DNAH7: variants seen among roughly 807,000 people sequenced by gnomAD.
DNAH7 encodes axonemal beta dynein heavy chain 7.
A neutral mutation model predicts 444.6 loss-of-function variants in DNAH7; 397 were observed. That is an observed-to-expected ratio of 0.89 (90% CI 0.82 to 0.97). The LOEUF is 0.97. DNAH7 is among the 50% of genes least tolerant of loss of function. The probability of loss-of-function intolerance (pLI) is 0.00; values close to 1 mark genes in which losing one functional copy is unlikely to be tolerated. For synonymous variants in DNAH7, 1,636 were observed against 1,624.4 expected, an observed-to-expected ratio of 1.01 and a Z score of -0.17; for missense variants, 4,902 against 4,800.8, an observed-to-expected ratio of 1.02 and a Z score of -0.62.
intron 22 of DNAH7, among the ~76,000 whole-genome samples, chr2:195,925,765 C>T (rs937908321): frequency 6.6e-6 from 1 of 152,162 alleles, no homozygotes; most frequent in Non-Finnish European, 1.5e-5. Context: ...TTTTAAACTA[C>T]AGATCTATAT....
intron 44 of DNAH7, among the ~76,000 whole-genome samples, chr2:195,856,548 T>C (rs1297052157): frequency 6.6e-6 from 1 of 152,204 alleles, no homozygotes; most frequent in Non-Finnish European, 1.5e-5. Context: ...GAAACATATA[T>C]AGCACTACTA....
Position 196,068,822 on chromosome 2 carries a change from C to T in DNAH7, c.-111G>A. 7.3e-7 allele frequency: 1 copy of T among 1,373,578 alleles called. No individual in the cohort carries two copies. The highest frequency in any genetic ancestry group is 9.9e-7 in the Non-Finnish European group (1 of 1,008,644). The allele number at this position is 1,373,578 out of a possible 1,614,324, so 85.1% of individuals were successfully genotyped here. A position where few individuals can be genotyped will look rare whatever the true frequency, so the allele number is the denominator to read the frequency against. ...GACTTGCAGCGGTCTCAGCTCCCTC[C>T]GCACCAGAGCCGTCTAGCGTCCGGG... On this transcript the variant is annotated 5_prime_UTR_variant, in exon 1 of 65. Coordinates refer to ENST00000312428, the MANE Select transcript of DNAH7 (RefSeq NM_018897.3).
At chr2:195,929,596 A>G (rs1214878276) in intron 21 of DNAH7, among the ~76,000 whole-genome samples, 4 of 152,256 alleles carry the variant, frequency 2.6e-5, no homozygotes, top group African/African-American at 9.6e-5. Flanking sequence ...GCTCTTTGAC[A>G]AAGTCAACAA....
Position 196,047,512 on chromosome 2 carries a change from CA to C in DNAH7, c.251-14del, listed in dbSNP as rs377604116. On this transcript the variant is annotated splice_polypyrimidine_tract_variant and intron_variant, in intron 4 of 64. Coordinates refer to ENST00000312428, the MANE Select transcript of DNAH7 (RefSeq NM_018897.3). ...TCCATGTATTCAGCTTAAATTAAAA[CA>C]AAAAAAAAAGCACAATTATTCATCT... 9,899 of 1,272,070 alleles carry C rather than the reference CA, an allele frequency of 7.8e-3. 65 individuals are homozygous for C. The highest frequency in any genetic ancestry group is 0.049 in the South Asian group (2,759 of 56,526). The allele number at this position is 1,272,070 out of a possible 1,614,324, so 78.8% of individuals were successfully genotyped here.
At chr2:195,868,661 T>C (rs1282942182) in intron 40 of DNAH7, among the ~76,000 whole-genome samples, 1 of 150,754 alleles carries the variant, frequency 6.6e-6, no homozygotes, top group African/African-American at 2.4e-5. Flanking sequence ...TGTCTTTTCA[T>C]TTTTTGGATG....
chr2:195,916,982 G>T (rs950839135), intron 24 of DNAH7, among the ~76,000 whole-genome samples: 1 of 151,426 alleles, frequency 6.6e-6, no homozygotes, highest in African/African-American at 2.4e-5. Context: ...GGCGCCTGTA[G>T]TCCCAGCTAC....
chr2:196,013,718 G>A (rs184959833), intron 9 of DNAH7, among the ~76,000 whole-genome samples: 60 of 152,294 alleles, frequency 3.9e-4, no homozygotes, highest in African/African-American at 1.4e-3. Context: ...ACCACTGCTA[G>A]AGAACCAATG....
chr2:195,824,324 T>C lies in DNAH7; in HGVS notation c.9222A>G (p.Ala3074=). The change falls in exon 49 of 65, where the codon GCA becomes GCG. Residue 3074 remains alanine (A), a synonymous_variant. Coordinates refer to ENST00000312428, the MANE Select transcript of DNAH7 (RefSeq NM_018897.3). ...TAGTAATATAGAAGCGGAAGTCAGGTGCATATTCAATTGTGGAGTCCCCAA... is the reference window on the plus strand; with the variant it reads ...TAGTAATATAGAAGCGGAAGTCAGGCGCATATTCAATTGTGGAGTCCCCAA... ...IRLGDSTIEY[A]PDFRFYITTK... 6.2e-7 allele frequency: 1 copy of C among 1,613,922 alleles called. No homozygotes were observed. The highest frequency in any genetic ancestry group is 8.5e-7 in the Non-Finnish European group (1 of 1,179,908).
intron 14 of DNAH7, 29 bp from the exon 15 acceptor site, chr2:195,984,739 A>G (rs777898117): frequency 9.4e-6 from 15 of 1,589,084 alleles, no homozygotes; most frequent in Non-Finnish European, 1.3e-5. Context: ...CCAATCTTAC[A>G]TATTTACAGT....
At chr2:196,009,314 T>A (rs1047459210) in intron 10 of DNAH7, among the ~76,000 whole-genome samples, 1 of 152,142 alleles carries the variant, frequency 6.6e-6, no homozygotes, top group Non-Finnish European at 1.5e-5. Context: ...ACTACTGAAT[T>A]GTACACATTA....
chr2:195,812,780 T>C (rs534549361), intron 51 of DNAH7, among the ~76,000 whole-genome samples: 1 of 152,352 alleles, frequency 6.6e-6, no homozygotes, highest in East Asian at 1.9e-4. Context: ...ATGTTTTCTA[T>C]GCTTTTGGTA....
At chr2:195,770,849 ACAC>A (rs1694801336) in intron 61 of DNAH7, among the ~76,000 whole-genome samples, 1 of 149,872 alleles carries the variant, frequency 6.7e-6, no homozygotes, top group East Asian at 2.0e-4. Context: ...TGAGTAGCAT[ACAC>A]CACAATGCCC....
At chr2:196,068,148 T>C (rs542806862) in intron 1 of DNAH7, among the ~76,000 whole-genome samples, 1 of 152,240 alleles carries the variant, frequency 6.6e-6, no homozygotes, top group African/African-American at 2.4e-5. Context: ...ATATGTCACT[T>C]ACCAAGGCCT....
chr2:195,782,497 ATTAT>A (rs1240869439), intron 58 of DNAH7, among the ~76,000 whole-genome samples: 2 of 152,198 alleles, frequency 1.3e-5, no homozygotes, highest in African/African-American at 2.4e-5. Context: ...GTACCACATA[ATTAT>A]TTATCATTTT....
At chr2:195,884,441 A>C (rs1701590890) in intron 35 of DNAH7, 144 bp downstream of exon 35, 1 of 642,930 alleles carries the variant, frequency 1.6e-6, no homozygotes, top group African/African-American at 1.8e-5. Flanking sequence ...GTCTGACTTC[A>C]AGCCAGTGCA....
chr2:195,772,533 A>G (rs960128756), intron 60 of DNAH7, among the ~76,000 whole-genome samples: 2 of 151,266 alleles, frequency 1.3e-5, no homozygotes, highest in Non-Finnish European at 1.5e-5. Context: ...ATATTTTCTG[A>G]AAAAAAAATT....
intron 19 of DNAH7, among the ~76,000 whole-genome samples, chr2:195,950,389 T>C (rs1021414610): frequency 2.0e-5 from 3 of 152,210 alleles, no homozygotes; most frequent in Admixed American, 1.3e-4. Flanking sequence ...GTAGTTTATT[T>C]ATGCAGAGGT....
Position 195,806,720 on chromosome 2 carries a change from T to C in DNAH7, c.10176+20A>G. ...ATAAGGCTTTGGAATCATTGAGCTG[T>C]TTTCAAAGCCCACATTTACCTTGTC... On this transcript the variant is annotated intron_variant, in intron 54 of 64. Transcript: ENST00000312428. The C allele has an allele frequency of 6.2e-7, 1 of 1,604,912 alleles. No homozygotes were observed. Among genetic ancestry groups the C allele is most frequent in the Non-Finnish European group, 8.5e-7 (1 of 1,172,290 alleles).
chr2:195,757,975 G>A (rs1323214146), intron 61 of DNAH7, among the ~76,000 whole-genome samples: 1 of 152,194 alleles, frequency 6.6e-6, no homozygotes, highest in Non-Finnish European at 1.5e-5. Flanking sequence ...CCCCGTTAGG[G>A]CCAAAGTTAC....
Sources: gnomAD v4.1 joint callset for allele counts (sites outside exome capture counted in the v4.1 genomes callset) on GRCh38, gnomAD v4.1.1 for gene constraint, MANE v1.5 for transcripts, NCBI Gene and HGNC (gene_info 2026-07-23, HGNC 2026-07-21) for gene names.